CCDC149: variants seen among roughly 807,000 people sequenced by gnomAD.
The protein encoded by CCDC149 is coiled-coil domain-containing protein 149.
CCDC149 carries 45 observed loss-of-function variants against 59.9 expected under a neutral mutation model. The observed-to-expected ratio is 0.75, with a 90% CI of 0.59 to 0.96. CCDC149 has a LOEUF of 0.96. CCDC149 is among the 40% of genes least tolerant of loss of function. The probability of loss-of-function intolerance (pLI) is 0.00; values close to 1 mark genes in which losing one functional copy is unlikely to be tolerated. For missense variants in CCDC149, 584 were observed against 664.7 expected (o/e 0.88, Z 1.33); for synonymous variants, 245 against 260.6 (o/e 0.94, Z 0.58).
chr4:24,953,436 A>C (rs1472089872), intron 1 of CCDC149, among the ~76,000 whole-genome samples: 1 of 152,170 alleles, frequency 6.6e-6, no homozygotes, highest in Non-Finnish European at 1.5e-5. Context: ...TAAGGCATTC[A>C]AAAACAACTG....
At chr4:24,870,001 G>T (rs535573173) in intron 3 of CCDC149, among the ~76,000 whole-genome samples, 3 of 152,194 alleles carry the variant, frequency 2.0e-5, no homozygotes, top group East Asian at 1.9e-4. Context: ...ATTTTCCATG[G>T]CTGCATTTTC....
intron 3 of CCDC149, among the ~76,000 whole-genome samples, chr4:24,854,913 T>C (rs944820176): frequency 1.5e-4 from 23 of 152,126 alleles, no homozygotes; most frequent in African/African-American, 5.3e-4. Context: ...TGCTCAAAGG[T>C]CACCGTCTCA....
At chr4:24,976,593 G>A (rs979489060) in intron 1 of CCDC149, among the ~76,000 whole-genome samples, 1 of 152,046 alleles carries the variant, frequency 6.6e-6, no homozygotes. Flanking sequence ...CATGCCTGTA[G>A]TCCCAGCTAC....
intron 4 of CCDC149, among the ~76,000 whole-genome samples, chr4:24,851,004 G>A (rs1717621924): frequency 1.3e-5 from 2 of 152,078 alleles, no homozygotes; most frequent in South Asian, 2.1e-4. Flanking sequence ...CTGAAATGGG[G>A]AGGTTTGCTG....
chr4:24,932,722 A>G (rs1319037682), intron 1 of CCDC149, among the ~76,000 whole-genome samples: 1 of 152,162 alleles, frequency 6.6e-6, no homozygotes, highest in African/African-American at 2.4e-5. Flanking sequence ...GCAACCCAGC[A>G]CTGGCTTCCA....
chr4:24,966,156 T>G (rs1467491075), intron 1 of CCDC149, among the ~76,000 whole-genome samples: 1 of 152,120 alleles, frequency 6.6e-6, no homozygotes, highest in Non-Finnish European at 1.5e-5. Flanking sequence ...AGTACGTGGT[T>G]GGCACAAGGG....
rs1340383143 is a variant in CCDC149 at position 24,834,276 on chromosome 4, T to C, written c.820+672A>G. Among the ~76,000 whole-genome samples the C allele has an allele frequency of 2.6e-5, 4 of 152,166 alleles. No homozygotes were observed. In the East Asian group the frequency reaches 7.7e-4, roughly 29 times the overall value. On this transcript the variant is annotated intron_variant, in intron 8 of 12. Coordinates refer to ENST00000635206, the MANE Select transcript of CCDC149 (RefSeq NM_001330643.2). ...CAAAAAGTGGGCCAGCTGAGCATAT[T>C]CGACTCGAGACTTATGTTTAGCATT...
At chr4:24,833,884 G>C (rs1299285748) in intron 8 of CCDC149, among the ~76,000 whole-genome samples, 1 of 152,164 alleles carries the variant, frequency 6.6e-6, no homozygotes, top group Non-Finnish European at 1.5e-5. Context: ...ATTGTTGATA[G>C]AATGCTTTTC....
At chr4:24,910,644 T>C (rs1279779166) in intron 1 of CCDC149, among the ~76,000 whole-genome samples, 1 of 152,170 alleles carries the variant, frequency 6.6e-6, no homozygotes, top group Non-Finnish European at 1.5e-5. Context: ...AAGCCTGCCA[T>C]CTAGCAGAAG....
At chr4:24,891,068 T>C (rs893159870) in intron 1 of CCDC149, among the ~76,000 whole-genome samples, 1 of 152,224 alleles carries the variant, frequency 6.6e-6, no homozygotes, top group African/African-American at 2.4e-5. Flanking sequence ...CTTGCTCATA[T>C]TTTCCTGAGC....
intron 1 of CCDC149, among the ~76,000 whole-genome samples, chr4:24,974,657 C>G (rs1431481816): frequency 1.3e-5 from 2 of 152,236 alleles, no homozygotes; most frequent in East Asian, 1.9e-4. Context: ...CTACACCCCC[C>G]ACACCAGTCT....
intron 4 of CCDC149, among the ~76,000 whole-genome samples, chr4:24,838,879 T>G (rs1268488874): frequency 6.6e-6 from 1 of 152,050 alleles, no homozygotes; most frequent in Non-Finnish European, 1.5e-5. Flanking sequence ...AATTTGCAGC[T>G]GTCTGAAATG....
At chr4:24,809,834 G>A (rs747576293) in intron 12 of CCDC149, among the ~76,000 whole-genome samples, 3 of 152,208 alleles carry the variant, frequency 2.0e-5, no homozygotes, top group South Asian at 2.1e-4. Flanking sequence ...TCATATATGC[G>A]CAGGTATGTT....
intron 8 of CCDC149, among the ~76,000 whole-genome samples, chr4:24,832,576 C>A (rs560001756): frequency 1.3e-5 from 2 of 152,294 alleles, no homozygotes; most frequent in Non-Finnish European, 2.9e-5. Context: ...GAGTCTTTAA[C>A]AAGTCTCTAG....
intron 1 of CCDC149, among the ~76,000 whole-genome samples, chr4:24,967,704 T>A (rs1723840104): frequency 6.6e-6 from 1 of 151,142 alleles, no homozygotes; most frequent in African/African-American, 2.4e-5. Context: ...GGGGTCTAGC[T>A]ATTCCATTAT....
chr4:24,854,083 C>T (rs2109188011), intron 3 of CCDC149, among the ~76,000 whole-genome samples: 1 of 152,296 alleles, frequency 6.6e-6, no homozygotes, highest in East Asian at 1.9e-4. Flanking sequence ...CTCATGGTCC[C>T]TTTCCCCAGA....
In CCDC149 at chr4:24,838,240, G is replaced by A. The variant is rs765500399; in HGVS notation, c.405C>T (p.Leu135=). The change falls in exon 5 of 13, where the codon CTC becomes CTT. Residue 135 remains leucine, a synonymous_variant. Coordinates refer to ENST00000635206, the MANE Select transcript of CCDC149 (RefSeq NM_001330643.2). ...GTCGCACGCCGATTGCTTCGTCTCC[G>A]AGCCTTTGTTTGGCAATCGTCATCC... The A allele has an allele frequency of 6.8e-6, 11 of 1,613,950 alleles. No homozygotes were observed. Among genetic ancestry groups the A allele is most frequent in the East Asian group, 6.7e-5 (3 of 44,882 alleles).
chr4:24,893,495 T>TGACA (rs1333848509), intron 1 of CCDC149, among the ~76,000 whole-genome samples: 2 of 152,040 alleles, frequency 1.3e-5, no homozygotes, highest in Non-Finnish European at 2.9e-5. Context: ...GTGTCACCAC[T>TGACA]GACAGATGAC....
chr4:24,975,222 T>C (rs763178858), intron 1 of CCDC149, among the ~76,000 whole-genome samples: 6 of 151,126 alleles, frequency 4.0e-5, no homozygotes, highest in Non-Finnish European at 7.4e-5. Flanking sequence ...TATTCTATGA[T>C]AACTATTCTG....
Sources: gnomAD v4.1 joint callset for allele counts (sites outside exome capture counted in the v4.1 genomes callset) on GRCh38, gnomAD v4.1.1 for gene constraint, MANE v1.5 for transcripts, NCBI Gene and HGNC (gene_info 2026-07-23, HGNC 2026-07-21) for gene names.